DRC7: variants seen among roughly 807,000 people sequenced by gnomAD.
DRC7 encodes the protein coiled-coil domain containing 135.
In DRC7, 80 loss-of-function variants were observed where a neutral mutation model predicts 104.4. The observed-to-expected ratio is 0.77, with a 90% CI of 0.64 to 0.92. DRC7 has a LOEUF of 0.92. DRC7 is among the 40% of genes least tolerant of loss of function. The probability of loss-of-function intolerance (pLI) is 0.00; values close to 1 mark genes in which losing one functional copy is unlikely to be tolerated. For missense variants in DRC7, 1,034 were observed against 1,141.1 expected (o/e 0.91, Z 1.35); for synonymous variants, 405 against 447.3 (o/e 0.91, Z 1.19).
In DRC7 at chr16:57,700,261, TC is replaced by T; in HGVS notation, c.496del (p.Leu166SerfsTer55). ...FLTMVPLPDP[L>X]KPPSHLYSST... ...TCACCATGGTGCCCCTGCCTGACCC[TC>T]TCAAGCCGGTAAGCACCACTCACAG... On this transcript the variant is annotated frameshift_variant, in exon 5 of 19. Coordinates refer to ENST00000360716, the MANE Select transcript of DRC7 (RefSeq NM_001289162.2). LOFTEE classifies it high-confidence loss of function. The T allele has an allele frequency of 6.2e-7, 1 of 1,612,936 alleles. No individual in the cohort carries two copies. The highest frequency in any genetic ancestry group is 8.5e-7 in the Non-Finnish European group (1 of 1,179,434).
chr16:57,712,546 C>T (rs2048800047), intron 8 of DRC7, among the ~76,000 whole-genome samples: 1 of 152,180 alleles, frequency 6.6e-6, no homozygotes, highest in African/African-American at 2.4e-5. Flanking sequence ...TTTTTGTTTT[C>T]TATCTCATTG....
rs573956265 is a variant in DRC7, at chr16:57,724,302, T to G, written c.1538-313T>G. Among the ~76,000 whole-genome samples the G allele has an allele frequency of 1.1e-4, 13 of 123,280 alleles. No individual in the cohort carries two copies. The East Asian group carries it at 3.3e-3, about 31-fold the overall frequency. The allele number at this position is 123,280 out of a possible 152,430, so 80.9% of individuals were successfully genotyped here. A position where few individuals can be genotyped will look rare whatever the true frequency, so the allele number is the denominator to read the frequency against. ...TCCAGCCTGGGTGACAGAGCGAGGC[T>G]GTGTCTCAAAAAAAAAAAAAAAAAA... On this transcript the variant is annotated intron_variant, in intron 12 of 18. Coordinates refer to ENST00000360716, the MANE Select transcript of DRC7 (RefSeq NM_001289162.2).
rs528672142 is a variant in DRC7, at chr16:57,724,535, G to A, written c.1538-80G>A. ...GTGGGTCTGTCTTCTCCCTGGGCCT[G>A]GGGTTGGGCGACCAAGCCAGCAGCC... On this transcript the variant is annotated intron_variant, in intron 12 of 18. Coordinates refer to ENST00000360716, the MANE Select transcript of DRC7 (RefSeq NM_001289162.2). 1.0e-5 allele frequency: 10 copies of A among 973,850 alleles called. No individual in the cohort carries two copies. In the African/African-American group the frequency reaches 1.6e-4, roughly 16 times the overall value. 60.3% of individuals were successfully genotyped at this position (973,850 alleles called of 1,614,324 possible).
intron 1 of DRC7, 116 bp downstream of exon 1, chr16:57,694,968 TTGG>T (rs1217826009): frequency 6.6e-6 from 1 of 152,054 alleles, no homozygotes; most frequent in Non-Finnish European, 1.5e-5. Context: ...GGGGAAGTTG[TTGG>T]TGGGGTGTGT....
chr16:57,724,846 G>T lies in DRC7; in HGVS notation c.1758+11G>T, dbSNP rs114106851. 25 of 1,604,490 alleles carry T rather than the reference G, an allele frequency of 1.6e-5. No homozygotes were observed. Among genetic ancestry groups the T allele is most frequent in the Non-Finnish European group, 2.0e-5 (24 of 1,174,664 alleles). On this transcript the variant is annotated intron_variant, in intron 13 of 18. Coordinates refer to ENST00000360716, the MANE Select transcript of DRC7 (RefSeq NM_001289162.2). ...CCCCGGCCCATTGTGGTAAGAGCTCGCGGGGGCTGGGGACAGGTCGCCCTC... is the reference window on the plus strand; with the variant it reads ...CCCCGGCCCATTGTGGTAAGAGCTCTCGGGGGCTGGGGACAGGTCGCCCTC...
At chr16:57,730,711 C>T (rs1444125256) in intron 17 of DRC7, among the ~76,000 whole-genome samples, 1 of 152,096 alleles carries the variant, frequency 6.6e-6, no homozygotes, top group African/African-American at 2.4e-5. Context: ...GTTCTGATCT[C>T]ATGGACATGA....
At chr16:57,712,662 GT>G (rs1310732095) in intron 8 of DRC7, among the ~76,000 whole-genome samples, 1 of 151,404 alleles carries the variant, frequency 6.6e-6, no homozygotes, top group Non-Finnish European at 1.5e-5. Flanking sequence ...ATCTAAGACT[GT>G]TTTTTGTTTT....
intron 16 of DRC7, among the ~76,000 whole-genome samples, chr16:57,727,710 T>G (rs1170186955): frequency 6.6e-6 from 1 of 152,240 alleles, no homozygotes; most frequent in Non-Finnish European, 1.5e-5. Context: ...GGTTGCACCC[T>G]GGGCCAGTGG....
Position 57,697,972 on chromosome 16 carries a change from T to C in DRC7, c.23T>C (p.Val8Ala). The change falls in exon 3 of 19, where the codon GTG becomes GCG. Residue 8 changes from valine (V) to alanine (A), a missense_variant. Val to Ala is a moderately conservative substitution (Grantham distance 64). Transcript: ENST00000360716. ...AGAATGGAGGTCCTGAGGGAGAAGG[T>C]GGAGGAGGAGGAGGAGGCCGAGCGG... Reference protein sequence around the residue: MEVLREKVEEEEEAEREE... With the variant: MEVLREKAEEEEEAEREE... 6.2e-7 allele frequency: 1 copy of C among 1,606,420 alleles called. No individual in the cohort carries two copies. The highest frequency in any genetic ancestry group is 1.4e-5 in the African/African-American group (1 of 73,732).
At chr16:57,706,913 A>T (rs573792849) in intron 7 of DRC7, among the ~76,000 whole-genome samples, 8 of 149,868 alleles carry the variant, frequency 5.3e-5, no homozygotes, top group Admixed American at 4.6e-4. Flanking sequence ...TCCTGCCATC[A>T]GTCCTCTCAT....
chr16:57,727,990 C>A (rs2048992013), intron 16 of DRC7, among the ~76,000 whole-genome samples: 1 of 152,202 alleles, frequency 6.6e-6, no homozygotes, highest in African/African-American at 2.4e-5. Context: ...ACACAGGCCC[C>A]AGGGTGGAAA....
chr16:57,716,218 G>A (rs1279491830), intron 8 of DRC7, among the ~76,000 whole-genome samples: 1 of 152,180 alleles, frequency 6.6e-6, no homozygotes, highest in Non-Finnish European at 1.5e-5. Flanking sequence ...GTGCGAATAG[G>A]TTGGCCGGGC....
In DRC7 at chr16:57,726,584, C is replaced by G. The variant is rs553357454; in HGVS notation, c.1975-248C>G. ...TGTGGGAGGGGAAGAGTCTCACTAC[C>G]TCTGAGGGGCTAGCTTTCCTAGTCA... On this transcript the variant is annotated intron_variant, in intron 14 of 18. Transcript: ENST00000360716. 1,536 of 556,940 alleles carry G rather than the reference C, an allele frequency of 2.8e-3. 2 individuals are homozygous for G. The highest frequency in any genetic ancestry group is 3.3e-3 in the Non-Finnish European group (1,029 of 312,006). The allele number at this position is 556,940 out of a possible 1,614,324, so 34.5% of individuals were successfully genotyped here. A position where few individuals can be genotyped will look rare whatever the true frequency, so the allele number is the denominator to read the frequency against.
rs1363506027 is a variant in DRC7, at chr16:57,698,003, G to A, written c.54G>A (p.Glu18=). 6.2e-7 allele frequency: 1 copy of A among 1,613,630 alleles called. No homozygotes were observed. Among genetic ancestry groups the A allele is most frequent in the African/African-American group, 1.3e-5 (1 of 74,926 alleles). Residue 18 remains glutamate (E), a synonymous_variant, in exon 3 of 19, where the codon GAG becomes GAA. Coordinates refer to ENST00000360716, the MANE Select transcript of DRC7 (RefSeq NM_001289162.2). Reference sequence around the variant, plus strand: ...AGGAGGAGGAGGCCGAGCGGGAGGAGGCGGCCGAGTGGGCTGAATGGGCGA... The same window carrying A: ...AGGAGGAGGAGGCCGAGCGGGAGGAAGCGGCCGAGTGGGCTGAATGGGCGA... The part of the protein sequence containing the change: ...VEEEEEAERE[E]AAEWAEWARM...
rs1597818629 is a variant in DRC7, at chr16:57,731,399, C to G, written c.*141C>G. 1.6e-6 allele frequency: 1 copy of G among 625,804 alleles called. No homozygotes were observed. Among genetic ancestry groups the G allele is most frequent in the East Asian group, 2.8e-5 (1 of 36,232 alleles). 38.8% of individuals were successfully genotyped at this position (625,804 alleles called of 1,614,324 possible). On this transcript the variant is annotated 3_prime_UTR_variant, in exon 19 of 19. Transcript: ENST00000360716. The stretch of plus-strand genomic sequence containing the variant: ...CTGCCAGCCCACCTCCCCTACAGCC[C>G]TGTTTGTTCCTGCTTCTCATGATTT...
At chr16:57,702,176 TC>T (rs2048667316) in intron 6 of DRC7, 46 bp downstream of exon 6, 1 of 1,596,998 alleles carries the variant, frequency 6.3e-7, no homozygotes, top group Non-Finnish European at 8.6e-7. Flanking sequence ...GGATGAACAT[TC>T]CCGGTGCTGT....
intron 3 of DRC7, 107 bp from the exon 4 acceptor site, chr16:57,698,743 C>T (rs2048624606): frequency 9.9e-7 from 1 of 1,011,774 alleles, no homozygotes; most frequent in Non-Finnish European, 1.5e-6. Context: ...TTCTCAGTAG[C>T]CGTGAGGATT....
chr16:57,697,109 C>T (rs1256531993), intron 2 of DRC7, among the ~76,000 whole-genome samples: 3 of 152,006 alleles, frequency 2.0e-5, no homozygotes, highest in Non-Finnish European at 4.4e-5. Context: ...GACGGGGTTT[C>T]GCCATATTGG....
At chr16:57,718,210 C>G in intron 8 of DRC7, 137 bp from the exon 9 acceptor site, 1 of 1,102,894 alleles carries the variant, frequency 9.1e-7, no homozygotes. Flanking sequence ...CCACCTGGGA[C>G]TGACGTTCTG....
Sources: gnomAD v4.1 joint callset for allele counts (sites outside exome capture counted in the v4.1 genomes callset) on GRCh38, gnomAD v4.1.1 for gene constraint, MANE v1.5 for transcripts, NCBI Gene and HGNC (gene_info 2026-07-23, HGNC 2026-07-21) for gene names.